Variants in NPIPB11 observed in about 807,000 individuals in gnomAD.
The protein encoded by NPIPB11 is nuclear pore complex-interacting protein family member B11.
A neutral mutation model predicts 32.8 loss-of-function variants in NPIPB11; 17 were observed. The observed-to-expected ratio is 0.52, with a 90% CI of 0.35 to 0.78. The LOEUF is 0.78. NPIPB11 is among the 30% of genes least tolerant of loss of function. NPIPB11 has a pLI of 0.01. For synonymous variants in NPIPB11, 209 were observed against 398.4 expected (o/e 0.52, Z 5.66); for missense variants, 537 against 1,000.4 (o/e 0.54, Z 6.25).
chr16:29,394,512 A>G lies in NPIPB11; in HGVS notation c.121-436T>C, dbSNP rs1480337208. ...TGAAGTGGTGCAATCTTGGCTCACT[A>G]CAACCTCCAGCTCCTGGGCTCAAGC... On this transcript the variant is annotated intron_variant, in intron 2 of 7. Transcript: ENST00000524087. Among the ~76,000 whole-genome samples the G allele has an allele frequency of 4.7e-5, 7 of 149,210 alleles. No individual in the cohort carries two copies. In the East Asian group the frequency reaches 5.9e-4, roughly 13 times the overall value.
chr16:29,400,313 C>T (rs1381532836), intron 2 of NPIPB11, among the ~76,000 whole-genome samples: 1 of 151,594 alleles, frequency 6.6e-6, no homozygotes, highest in Non-Finnish European at 1.5e-5. Context: ...CCAGGAAAGG[C>T]TCCCCAAAGC....
At chr16:29,389,668 GAAAAAAAAAAAAAAAAAA>G (rs1160526743) in intron 5 of NPIPB11, among the ~76,000 whole-genome samples, 12 of 17,300 alleles carry the variant, frequency 6.9e-4, no homozygotes, top group Non-Finnish European at 1.1e-3. Flanking sequence ...TCCATCTCAG[GAAAAAAAAAAAAAAAAAA>G]AAAAAAAAAA....
chr16:29,394,944 C>A lies in NPIPB11; in HGVS notation c.121-868G>T, dbSNP rs1334742474. On this transcript the variant is annotated intron_variant, in intron 2 of 7. Transcript: ENST00000524087. ...TATTTTTTGTGGAGATGGGGTTTTG[C>A]CATGTTGGTCAGGGTGGTCTCGAAC... Among the ~76,000 whole-genome samples, 3 of 146,998 alleles carry A rather than the reference C, an allele frequency of 2.0e-5. No homozygotes were observed. In the East Asian group the frequency reaches 6.0e-4, roughly 29 times the overall value.
intron 2 of NPIPB11, among the ~76,000 whole-genome samples, chr16:29,402,001 C>G (rs257867): frequency 0.046 from 7,011 of 151,296 alleles, 412 homozygotes; most frequent in East Asian, 0.28. Flanking sequence ...GCAGACTAGC[C>G]TGCCGTCAGA....
At chr16:29,401,913 G>A (rs1458842005) in intron 2 of NPIPB11, among the ~76,000 whole-genome samples, 12 of 150,664 alleles carry the variant, frequency 8.0e-5, no homozygotes, top group East Asian at 2.0e-4. Flanking sequence ...CATTTCCACC[G>A]TTTGGGGCTG....
chr16:29,400,134 C>G (rs1354912763), intron 2 of NPIPB11, among the ~76,000 whole-genome samples: 1 of 150,838 alleles, frequency 6.6e-6, no homozygotes, highest in East Asian at 2.0e-4. Context: ...AAGGAGAGAC[C>G]AAGTAAGTGG....
At chr16:29,390,524 G>A (rs1176494648) in intron 3 of NPIPB11, among the ~76,000 whole-genome samples, 176 bp from the exon 4 acceptor site, 1 of 151,458 alleles carries the variant, frequency 6.6e-6, no homozygotes, top group African/African-American at 2.4e-5. Flanking sequence ...ATGGCAGCGG[G>A]CGCCTGTAAT....
intron 3 of NPIPB11, among the ~76,000 whole-genome samples, chr16:29,392,285 T>G (rs1963741833): frequency 6.6e-6 from 1 of 151,978 alleles, no homozygotes; most frequent in African/African-American, 2.4e-5. Context: ...ATGGCACCCA[T>G]GATGTCCCTG....
At position 29,402,867 on chromosome 16, in the gene NPIPB11, G is replaced by C. The variant is rs1964030186; in HGVS notation, c.120+816C>G. 4.8e-5 allele frequency among the ~76,000 whole-genome samples: 6 copies of C among 126,114 alleles called. 1 individual carries two copies. The South Asian group carries it at 1.5e-3, about 31-fold the overall frequency. The allele number at this position is 126,114 out of a possible 152,430, so 82.7% of individuals were successfully genotyped here. ...ATGACTAATTTAATTATTACTATTG[G>C]ACTTTTTGTAGACTAAACAGAGCAT... On this transcript the variant is annotated intron_variant, in intron 2 of 7. Transcript: ENST00000524087.
upstream of NPIPB11, among the ~76,000 whole-genome samples, chr16:29,406,649 G>A (rs1269214188): frequency 3.3e-5 from 5 of 152,180 alleles, no homozygotes; most frequent in Non-Finnish European, 5.9e-5. Context: ...AGGAGGCGGA[G>A]GTTGCAGTGA....
chr16:29,390,724 G>A (rs1398586955), intron 3 of NPIPB11, among the ~76,000 whole-genome samples: 1 of 151,894 alleles, frequency 6.6e-6, no homozygotes, highest in Non-Finnish European at 1.5e-5. Flanking sequence ...AGCACTTTGG[G>A]AGGCTGAGGC....
chr16:29,391,899 T>G (rs1298440287), intron 3 of NPIPB11, among the ~76,000 whole-genome samples: 4 of 151,876 alleles, frequency 2.6e-5, no homozygotes, highest in Non-Finnish European at 5.9e-5. Flanking sequence ...TTTTGTCTTT[T>G]TAGTAGAGAT....
At position 29,393,867 on chromosome 16, in the gene NPIPB11, T is replaced by C. The variant is rs1170622268; in HGVS notation, c.249+81A>G. ...GTAAAACCACATATTCATAATGAAG[T>C]CCAGAAATGTGAATTGTTTTATATA... is the stretch of plus-strand genomic sequence containing the variant. On this transcript the variant is annotated intron_variant, in intron 3 of 7. Coordinates refer to ENST00000524087, the Ensembl canonical transcript of NPIPB11. 1.7e-5 allele frequency: 21 copies of C among 1,261,386 alleles called. No homozygotes were observed. The African/African-American group carries it at 3.2e-4, about 19-fold the overall frequency. The allele number at this position is 1,261,386 out of a possible 1,614,324, so 78.1% of individuals were successfully genotyped here.
chr16:29,401,253 T>TA (rs1402871279), intron 2 of NPIPB11, among the ~76,000 whole-genome samples: 1 of 152,116 alleles, frequency 6.6e-6, no homozygotes, highest in Admixed American at 6.6e-5. Flanking sequence ...TTAAAGGAAC[T>TA]AAAATGTTGG....
At chr16:29,397,734 CGGAT>C (rs1963895948) in intron 2 of NPIPB11, 1 of 272,772 alleles carries the variant, frequency 3.7e-6, no homozygotes, top group Admixed American at 6.6e-5. Context: ...GGACCGGGCC[CGGAT>C]CTGAGTTGGG....
upstream of NPIPB11, among the ~76,000 whole-genome samples, chr16:29,406,250 T>C (rs1272100172): frequency 1.3e-5 from 2 of 152,278 alleles, no homozygotes; most frequent in East Asian, 1.9e-4. Flanking sequence ...AATGTGGCGA[T>C]ACTGCATGGG....
Position 29,389,996 on chromosome 16 carries a change from T to C in NPIPB11, c.490A>G (p.Thr164Ala), listed in dbSNP as rs529157317. 281 of 1,591,992 alleles carry C rather than the reference T, an allele frequency of 1.8e-4. 4 individuals are homozygous for C. The African/African-American group carries it at 2.9e-3, about 17-fold the overall frequency. ...ATTTTGTCATGACGGTTGATTTTCG[T>C]TGTCACCTTCCTCTTACGGATTTTA... Residue 164 changes from threonine (T) to alanine (A), a missense_variant, in exon 5 of 8, where the codon ACG becomes GCG. Transcript: ENST00000524087.
At chr16:29,390,910 C>T (rs968862466) in intron 3 of NPIPB11, among the ~76,000 whole-genome samples, 1 of 142,226 alleles carries the variant, frequency 7.0e-6, no homozygotes. Context: ...TTGTGGTGAG[C>T]TGAGATTGTG....
At chr16:29,402,008 C>G (rs1162792695) in intron 2 of NPIPB11, among the ~76,000 whole-genome samples, 5 of 151,536 alleles carry the variant, frequency 3.3e-5, no homozygotes, top group Admixed American at 6.6e-5. Flanking sequence ...AGCCTGCCGT[C>G]AGAACATGAA....
Sources: allele counts gnomAD v4.1 joint callset (sites outside exome capture counted in the v4.1 genomes callset), GRCh38; gene constraint gnomAD v4.1.1; transcripts MANE v1.5; gene names NCBI Gene and HGNC (gene_info 2026-07-23, HGNC 2026-07-21).